The following CHSY3 variants were observed in gnomAD, a reference collection of about 807,000 sequenced individuals.
CHSY3 encodes the protein chondroitin sulfate synthase 3.
Under a neutral mutation model 67.2 loss-of-function variants are expected in CHSY3, and 35 were observed. That is an observed-to-expected ratio of 0.52 (90% CI 0.40 to 0.69). CHSY3 has a LOEUF of 0.69. Among genes scored for constraint, CHSY3 ranks in the 30% least tolerant of loss-of-function variants. The probability of loss-of-function intolerance (pLI) is 0.00; values close to 1 mark genes in which losing one functional copy is unlikely to be tolerated. For missense variants in CHSY3, 1,069 were observed against 1,138.5 expected (o/e 0.94, Z 0.88); for synonymous variants, 474 against 434.7 (o/e 1.09, Z -1.12).
At chr5:129,965,312 T>G (rs1404422220) in intron 2 of CHSY3, among the ~76,000 whole-genome samples, 1 of 151,986 alleles carries the variant, frequency 6.6e-6, no homozygotes, top group Non-Finnish European at 1.5e-5. Context: ...CCTAGATATA[T>G]TCTACCTTAC....
rs749979551 is a variant in CHSY3, at chr5:130,185,194, A to T, written c.2052A>T (p.Ala684=). The T allele has an allele frequency of 1.2e-6, 2 of 1,611,618 alleles. No individual in the cohort carries two copies. The highest frequency in any genetic ancestry group is 1.1e-5 in the South Asian group (1 of 91,014). ...IKGYQNKYPK[A]EMTLIPMKGE... is the part of the protein sequence containing the mutation. ...GGTACCAGAACAAGTACCCCAAAGC[A>T]GAAATGACCCTGATCCCAATGAAGG... Residue 684 remains alanine (A), a synonymous_variant, in exon 3 of 3, where the codon GCA becomes GCT. Transcript: ENST00000305031.
At chr5:130,146,110 A>C (rs1045635793) in intron 2 of CHSY3, among the ~76,000 whole-genome samples, 1 of 152,190 alleles carries the variant, frequency 6.6e-6, no homozygotes, top group Non-Finnish European at 1.5e-5. Context: ...TATATATCCA[A>C]AGGAAATATA....
chr5:129,961,932 G>T (rs527616568), intron 2 of CHSY3, among the ~76,000 whole-genome samples: 5 of 151,752 alleles, frequency 3.3e-5, no homozygotes, highest in African/African-American at 1.2e-4. Context: ...GAAAATAAAA[G>T]TCATTTGGGA....
At chr5:130,152,618 A>G (rs1021351045) in intron 2 of CHSY3, among the ~76,000 whole-genome samples, 1 of 152,210 alleles carries the variant, frequency 6.6e-6, no homozygotes, top group Admixed American at 6.5e-5. Context: ...TAAAATTCAC[A>G]TATGGAATAC....
At chr5:130,141,326 C>T (rs941969059) in intron 2 of CHSY3, 6 of 384,582 alleles carry the variant, frequency 1.6e-5, no homozygotes, top group Admixed American at 3.3e-5. Context: ...TGACAACCAG[C>T]GTGGTGTGCT....
intron 2 of CHSY3, among the ~76,000 whole-genome samples, chr5:130,160,931 G>A (rs1580790538): frequency 6.8e-6 from 1 of 147,222 alleles, no homozygotes; most frequent in African/African-American, 2.5e-5. Context: ...TTGAGACGGA[G>A]TCTCACTTTG....
intron 2 of CHSY3, chr5:130,140,644 C>T (rs913733728): frequency 5.3e-6 from 2 of 379,960 alleles, no homozygotes; most frequent in Non-Finnish European, 9.4e-6. Context: ...ATGTGTCAAC[C>T]CTCATTGTTT....
At chr5:130,003,410 C>T (rs1580637998) in intron 2 of CHSY3, among the ~76,000 whole-genome samples, 1 of 152,132 alleles carries the variant, frequency 6.6e-6, no homozygotes, top group South Asian at 2.1e-4. Flanking sequence ...CTGATACAAC[C>T]TAAATGGTGA....
chr5:130,063,103 A>T (rs28415527), intron 2 of CHSY3, among the ~76,000 whole-genome samples: 9,857 of 152,078 alleles, frequency 0.065, 1,085 homozygotes, highest in African/African-American at 0.22. Flanking sequence ...TTTGATTTTT[A>T]AATTTATTTT....
rs774184000 is a variant in CHSY3 at position 130,185,268 on chromosome 5, A to C, written c.2126A>C (p.Asp709Ala). ...LGLEMASAQF[D>A]NDTLLLFCDV... is the part of the protein sequence containing the mutation. ...CTTGAAATGGCTTCTGCCCAGTTTG[A>C]CAATGACACTTTGCTGCTATTTTGT... The change falls in exon 3 of 3, where the codon GAC becomes GCC. Residue 709 changes from aspartate to alanine, a missense_variant. By Grantham distance (126) the Asp-to-Ala change is moderately radical (BLOSUM62 -2). Coordinates refer to ENST00000305031, the MANE Select transcript of CHSY3 (RefSeq NM_175856.5). 6.2e-7 allele frequency: 1 copy of C among 1,609,530 alleles called. No homozygotes were observed. The highest frequency in any genetic ancestry group is 8.5e-7 in the Non-Finnish European group (1 of 1,176,008).
chr5:130,010,025 C>G (rs1764005501), intron 2 of CHSY3, among the ~76,000 whole-genome samples: 1 of 152,124 alleles, frequency 6.6e-6, no homozygotes, highest in East Asian at 1.9e-4. Context: ...TCTATAACCA[C>G]ACAATAATAG....
intron 2 of CHSY3, among the ~76,000 whole-genome samples, chr5:129,921,734 T>C (rs1760931678): frequency 6.6e-6 from 1 of 152,218 alleles, no homozygotes; most frequent in South Asian, 2.1e-4. Flanking sequence ...GTGTTGTATA[T>C]ATTTATACAG....
chr5:129,930,583 G>A (rs1228409203), intron 2 of CHSY3, among the ~76,000 whole-genome samples: 2 of 151,400 alleles, frequency 1.3e-5, no homozygotes, highest in Non-Finnish European at 2.9e-5. Context: ...ATGAAACAAG[G>A]TGAGCTGCAT....
intron 2 of CHSY3, among the ~76,000 whole-genome samples, chr5:130,088,896 C>A (rs902462274): frequency 1.3e-5 from 2 of 152,086 alleles, no homozygotes; most frequent in African/African-American, 4.8e-5. Flanking sequence ...GACTATAAAT[C>A]ATGCTGCTAT....
At chr5:129,980,977 C>T (rs976009883) in intron 2 of CHSY3, among the ~76,000 whole-genome samples, 5 of 147,724 alleles carry the variant, frequency 3.4e-5, no homozygotes, top group Admixed American at 7.0e-5. Flanking sequence ...GAGGCCGAGG[C>T]GGGCGGATTA....
chr5:130,164,425 A>C (rs529977681), intron 2 of CHSY3, among the ~76,000 whole-genome samples: 1 of 152,166 alleles, frequency 6.6e-6, no homozygotes, highest in Non-Finnish European at 1.5e-5. Context: ...ACAGTTGTAC[A>C]AGGTAGAGAA....
chr5:130,144,138 A>C (rs1378187133), intron 2 of CHSY3, among the ~76,000 whole-genome samples: 1 of 151,698 alleles, frequency 6.6e-6, no homozygotes, highest in Non-Finnish European at 1.5e-5. Context: ...CCAAGCAAAA[A>C]AAAAAATTCA....
intron 1 of CHSY3, 46 bp downstream of exon 1, chr5:129,905,677 C>T (rs776397086): frequency 6.3e-7 from 1 of 1,598,420 alleles, no homozygotes; most frequent in African/African-American, 1.3e-5. Flanking sequence ...CTCCCCGACT[C>T]CTTTCTCTGT....
Position 129,905,519 on chromosome 5 carries a change from C to G in CHSY3, c.690C>G (p.Asp230Glu). 1 of 1,613,406 alleles carries G rather than the reference C, an allele frequency of 6.2e-7. No individual in the cohort carries two copies. The highest frequency in any genetic ancestry group is 8.5e-7 in the Non-Finnish European group (1 of 1,180,026). ...CTGTCATCGCGCTACCGGGTGTGGACGACTCCTATCCTCCCCAGAAAAAGT... is the reference window on the plus strand; with the variant it reads ...CTGTCATCGCGCTACCGGGTGTGGAGGACTCCTATCCTCCCCAGAAAAAGT... The part of the protein sequence containing the change: ...PLPVIALPGV[D>E]DSYPPQKKSF... Residue 230 changes from aspartate (D) to glutamate (E), a missense_variant, in exon 1 of 3, where the codon GAC becomes GAG. By Grantham distance (45) the Asp-to-Glu change is conservative. Transcript: ENST00000305031.
Sources: gnomAD v4.1 joint callset for allele counts (sites outside exome capture counted in the v4.1 genomes callset) on GRCh38, gnomAD v4.1.1 for gene constraint, MANE v1.5 for transcripts, NCBI Gene and HGNC (gene_info 2026-07-23, HGNC 2026-07-21) for gene names.